Variants in HERC2 observed in about 807,000 individuals in gnomAD.
HERC2 encodes HECT and RLD domain containing E3 ubiquitin protein ligase 2.
Under a neutral mutation model 537.7 loss-of-function variants are expected in HERC2, and 102 were observed. The observed-to-expected ratio is 0.19, with a 90% CI of 0.16 to 0.22. The LOEUF is 0.22. Among genes scored for constraint, HERC2 ranks in the 10% least tolerant of loss-of-function variants. The pLI is 1.00. For missense variants in HERC2, 4,236 were observed against 6,198.2 expected (o/e 0.68, Z 10.63); for synonymous variants, 2,224 against 2,466.2 (o/e 0.90, Z 2.91).
chr15:28,305,389 C>A (rs1312105310), intron 2 of HERC2, among the ~76,000 whole-genome samples: 1 of 150,462 alleles, frequency 6.6e-6, no homozygotes, highest in Admixed American at 6.7e-5. Flanking sequence ...CTACAACTAT[C>A]TGATCTTTGA....
intron 78 of HERC2, among the ~76,000 whole-genome samples, chr15:28,140,957 G>A (rs1266482948): frequency 1.3e-5 from 2 of 151,726 alleles, no homozygotes; most frequent in Non-Finnish European, 2.9e-5. Flanking sequence ...AAATAAATTG[G>A]CCGGGCGTGG....
intron 52 of HERC2, among the ~76,000 whole-genome samples, chr15:28,194,786 T>C (rs563580934): frequency 3.3e-5 from 5 of 152,202 alleles, no homozygotes; most frequent in East Asian, 1.9e-4. Flanking sequence ...CTGGATGCAG[T>C]GGCTCATGCA....
chr15:28,252,608 T>A (rs537815209), intron 20 of HERC2, among the ~76,000 whole-genome samples: 36 of 152,318 alleles, frequency 2.4e-4, no homozygotes, highest in Non-Finnish European at 4.1e-4. Flanking sequence ...TGGAAGTTCA[T>A]CTATGTGAAC....
intron 70 of HERC2, among the ~76,000 whole-genome samples, chr15:28,150,100 C>A (rs989568148): frequency 6.6e-6 from 1 of 151,132 alleles, no homozygotes; most frequent in Non-Finnish European, 1.5e-5. Context: ...GTAAAATTAC[C>A]GAAAAACACA....
At chr15:28,224,960 T>A (rs1015834479) in intron 35 of HERC2, among the ~76,000 whole-genome samples, 1 of 152,216 alleles carries the variant, frequency 6.6e-6, no homozygotes, top group Non-Finnish European at 1.5e-5. Flanking sequence ...AAAACACAAC[T>A]ACCAAAACTT....
In HERC2 at chr15:28,265,581, T is replaced by G; in HGVS notation, c.1870+37A>C. The G allele has an allele frequency of 6.4e-7, 1 of 1,558,796 alleles. No homozygotes were observed. Among genetic ancestry groups the G allele is most frequent in the Non-Finnish European group, 8.8e-7 (1 of 1,131,194 alleles). On this transcript the variant is annotated intron_variant, in intron 14 of 92. Transcript: ENST00000261609. This position sits in a 1 kb window ranked among gnomAD's most constrained non-coding sequence, Gnocchi z 4.0. ...TCCAGGGAAGCTGCCATGCGTGTCC[T>G]CGTGGGCCTGTCCAGGGTGGCGAGA...
chr15:28,137,883 C>T (rs1253717300), intron 78 of HERC2, among the ~76,000 whole-genome samples: 1 of 152,234 alleles, frequency 6.6e-6, no homozygotes, highest in African/African-American at 2.4e-5. Context: ...AGGCCTCTTG[C>T]ACCAGTTACC....
At position 28,198,262 on chromosome 15, in the gene HERC2, C is replaced by T. The variant is rs113506340; in HGVS notation, c.8011+116G>A. On this transcript the variant is annotated intron_variant, in intron 50 of 92. Transcript: ENST00000261609. ...AGGCACTGACAAGCAAAGGAACACT[C>T]TATCTTTCTTCAACACTTGTTTTCT... 1.6e-5 allele frequency: 19 copies of T among 1,217,308 alleles called. No individual in the cohort carries two copies. In the African/African-American group the frequency reaches 1.8e-4, roughly 12 times the overall value. The allele number at this position is 1,217,308 out of a possible 1,614,324, so 75.4% of individuals were successfully genotyped here. A position where few individuals can be genotyped will look rare whatever the true frequency, so the allele number is the denominator to read the frequency against.
At chr15:28,315,925 C>CT (rs2077070238) in intron 2 of HERC2, 2 of 420,828 alleles carry the variant, frequency 4.8e-6, no homozygotes, top group Admixed American at 5.9e-5. Context: ...CCGATCACCT[C>CT]TGAGACCCAC....
intron 12 of HERC2, among the ~76,000 whole-genome samples, chr15:28,266,816 G>C (rs1567092846): frequency 1.3e-5 from 2 of 152,314 alleles, no homozygotes; most frequent in African/African-American, 4.8e-5. Context: ...GAAGCGATGG[G>C]AGCGCCCCAT....
At chr15:28,218,211 G>A (rs1900137079) in intron 38 of HERC2, among the ~76,000 whole-genome samples, 1 of 151,760 alleles carries the variant, frequency 6.6e-6, no homozygotes, top group Non-Finnish European at 1.5e-5. Flanking sequence ...TCTACAAGCC[G>A]AGGAACGCTA....
At chr15:28,184,533 C>G (rs971699916) in intron 56 of HERC2, among the ~76,000 whole-genome samples, 2 of 152,146 alleles carry the variant, frequency 1.3e-5, no homozygotes, top group Non-Finnish European at 2.9e-5. Flanking sequence ...AAGCTCAAAA[C>G]ATTTTTGGTT....
At chr15:28,136,361 G>C (rs1297873031) in intron 78 of HERC2, among the ~76,000 whole-genome samples, 4 of 152,128 alleles carry the variant, frequency 2.6e-5, no homozygotes, top group African/African-American at 9.7e-5. Context: ...GCCAATGCAG[G>C]AAGTGAAACC....
intron 4 of HERC2, among the ~76,000 whole-genome samples, chr15:28,292,423 T>C (rs1476242615): frequency 6.6e-6 from 1 of 151,930 alleles, no homozygotes; most frequent in Admixed American, 6.6e-5. Flanking sequence ...AAACAAAAAG[T>C]GTTGGTGAGG....
chr15:28,161,472 T>C (rs1000021985), intron 69 of HERC2, among the ~76,000 whole-genome samples: 11 of 152,220 alleles, frequency 7.2e-5, no homozygotes, highest in Non-Finnish European at 1.6e-4. Flanking sequence ...AGAGCATGGC[T>C]GCTGATAAAG....
intron 68 of HERC2, among the ~76,000 whole-genome samples, chr15:28,164,627 G>A (rs575537569): frequency 5.3e-5 from 8 of 152,088 alleles, no homozygotes; most frequent in South Asian, 4.2e-4. Flanking sequence ...AATCACTAGC[G>A]GCATATCCTT....
intron 30 of HERC2, among the ~76,000 whole-genome samples, chr15:28,231,609 G>A (rs1901858513): frequency 6.6e-6 from 1 of 152,060 alleles, no homozygotes; most frequent in African/African-American, 2.4e-5. Flanking sequence ...TGACGCCACT[G>A]GGGAGAGACA....
intron 59 of HERC2, 45 bp downstream of exon 59, chr15:28,178,842 G>A (rs375902946): frequency 1.3e-6 from 2 of 1,579,488 alleles, no homozygotes; most frequent in Non-Finnish European, 1.7e-6. Flanking sequence ...AACGGAGCAG[G>A]AGCAAAGGCC....
intron 48 of HERC2, among the ~76,000 whole-genome samples, chr15:28,199,641 C>T (rs560989178): frequency 6.6e-6 from 1 of 152,254 alleles, no homozygotes; most frequent in East Asian, 1.9e-4. Context: ...CCTACTGGAG[C>T]TATGAGATGG....
Sources: allele counts gnomAD v4.1 joint callset (sites outside exome capture counted in the v4.1 genomes callset), GRCh38; gene constraint gnomAD v4.1.1; non-coding constraint Gnocchi (gnomAD v3.1); transcripts MANE v1.5; gene names NCBI Gene and HGNC (gene_info 2026-07-23, HGNC 2026-07-21).